WWOX: variants seen among roughly 807,000 people sequenced by gnomAD.
The protein encoded by WWOX is WW domain containing oxidoreductase.
WWOX carries 69 observed loss-of-function variants against 46.2 expected under a neutral mutation model. The observed-to-expected ratio is 1.49, with a 90% CI of 1.23 to 1.82. The LOEUF (loss-of-function observed/expected upper bound fraction) is 1.82, where lower values mean the gene tolerates loss of function less well. WWOX is among the 40% of genes most tolerant of loss of function. WWOX has a pLI of 0.00. For missense variants in WWOX, 919 were observed against 542.6 expected, an observed-to-expected ratio of 1.69 and a Z score of -6.89; for synonymous variants, 359 against 202.6, an observed-to-expected ratio of 1.77 and a Z score of -6.56.
intron 8 of WWOX, among the ~76,000 whole-genome samples, chr16:78,777,525 C>A (rs1194527123): frequency 6.6e-6 from 1 of 151,964 alleles, no homozygotes; most frequent in African/African-American, 2.4e-5. Context: ...CTAAGAGGCC[C>A]CTGGTCCTAC....
intron 8 of WWOX, among the ~76,000 whole-genome samples, chr16:79,029,664 C>T (rs958224796): frequency 1.3e-5 from 2 of 152,120 alleles, no homozygotes; most frequent in Admixed American, 1.3e-4. Context: ...TGAGAAATTG[C>T]TTGTCCTTTA....
chr16:78,648,971 T>A (rs746171637), intron 8 of WWOX, among the ~76,000 whole-genome samples: 7 of 152,130 alleles, frequency 4.6e-5, no homozygotes, highest in Non-Finnish European at 8.8e-5. Flanking sequence ...ATTAGTTTGC[T>A]TATTTATTTG....
In WWOX at chr16:78,935,169, G is replaced by C. The variant is rs1176280498; in HGVS notation, c.1057-276439G>C. Among the ~76,000 whole-genome samples, 4 of 152,176 alleles carry C rather than the reference G, an allele frequency of 2.6e-5. 1 individual carries two copies. Among genetic ancestry groups the C allele is most frequent in the Admixed American group, 6.5e-5 (1 of 15,278 alleles). ...ACACTGTTGGTGGGACTGTAAACCA[G>C]TTCAACCATTGTGGAAGACATTGTG... On this transcript the variant is annotated intron_variant, in intron 8 of 8. Coordinates refer to ENST00000566780, the MANE Select transcript of WWOX (RefSeq NM_016373.4).
intron 8 of WWOX, among the ~76,000 whole-genome samples, chr16:78,435,100 C>CGT (rs2083304471): frequency 6.6e-6 from 1 of 152,100 alleles, no homozygotes; most frequent in Non-Finnish European, 1.5e-5. Flanking sequence ...ATCATGATAT[C>CGT]GGAGTGTTAG....
At chr16:78,573,900 C>G (rs2044781665) in intron 8 of WWOX, among the ~76,000 whole-genome samples, 1 of 152,210 alleles carries the variant, frequency 6.6e-6, no homozygotes, top group African/African-American at 2.4e-5. Context: ...TTCTGTGGAT[C>G]AGGAATCTGA....
At chr16:79,066,718 G>A (rs1370186994) in intron 8 of WWOX, among the ~76,000 whole-genome samples, 3 of 152,168 alleles carry the variant, frequency 2.0e-5, no homozygotes, top group South Asian at 2.1e-4. Context: ...AGAGCCTGCC[G>A]CCTCAAGGGA....
intron 8 of WWOX, among the ~76,000 whole-genome samples, chr16:78,927,161 A>G (rs2045517282): frequency 1.3e-5 from 2 of 152,328 alleles, no homozygotes; most frequent in South Asian, 2.1e-4. Context: ...TTTCTCCTGT[A>G]TAAAATGGAC....
chr16:79,095,233 C>G (rs530765136), intron 8 of WWOX, among the ~76,000 whole-genome samples: 1 of 152,208 alleles, frequency 6.6e-6, no homozygotes, highest in Non-Finnish European at 1.5e-5. Flanking sequence ...CTTTCTCCCT[C>G]TGGCTGTTTT....
At chr16:78,211,647 A>T (rs8050912) in intron 5 of WWOX, among the ~76,000 whole-genome samples, 53,285 of 152,010 alleles carry the variant, frequency 0.35, 9,252 homozygotes, top group East Asian at 0.41. Flanking sequence ...GCTTAGAATC[A>T]GTGTGCTAAC....
At chr16:78,408,403 A>C (rs2082599385) in intron 6 of WWOX, among the ~76,000 whole-genome samples, 1 of 152,166 alleles carries the variant, frequency 6.6e-6, no homozygotes, top group Non-Finnish European at 1.5e-5. Flanking sequence ...TACTGCCTTC[A>C]GGTAGGGGAA....
intron 8 of WWOX, among the ~76,000 whole-genome samples, chr16:78,888,738 A>T: frequency 6.6e-6 from 1 of 152,180 alleles, no homozygotes; most frequent in East Asian, 1.9e-4. Context: ...AACGAAATAC[A>T]TTCCCCTAAA....
At chr16:78,486,335 T>C (rs965483299) in intron 8 of WWOX, among the ~76,000 whole-genome samples, 1 of 152,228 alleles carries the variant, frequency 6.6e-6, no homozygotes, top group Non-Finnish European at 1.5e-5. Context: ...CTCATGAGCA[T>C]AGATAATAGT....
chr16:78,908,268 G>C (rs745532314), intron 8 of WWOX, among the ~76,000 whole-genome samples: 4 of 152,088 alleles, frequency 2.6e-5, no homozygotes, highest in African/African-American at 7.2e-5. Flanking sequence ...GTCCAGGCAC[G>C]GTGGCTCATG....
chr16:78,187,644 T>C (rs928370659), intron 5 of WWOX, among the ~76,000 whole-genome samples: 2 of 152,132 alleles, frequency 1.3e-5, no homozygotes, highest in Non-Finnish European at 2.9e-5. Flanking sequence ...GCAAAGGAGC[T>C]CAGTCTTTGA....
At chr16:78,652,149 C>G (rs917311314) in intron 8 of WWOX, among the ~76,000 whole-genome samples, 1 of 151,196 alleles carries the variant, frequency 6.6e-6, no homozygotes, top group South Asian at 2.1e-4. Flanking sequence ...TGGTGGCTCA[C>G]ACCTGTAATC....
chr16:79,042,702 T>C (rs1356302641), intron 8 of WWOX, among the ~76,000 whole-genome samples: 1 of 150,378 alleles, frequency 6.6e-6, no homozygotes, highest in Non-Finnish European at 1.5e-5. Flanking sequence ...AGGAAGACTT[T>C]GTGGGAAGAC....
At chr16:78,563,703 A>G (rs2044495547) in intron 8 of WWOX, among the ~76,000 whole-genome samples, 1 of 152,134 alleles carries the variant, frequency 6.6e-6, no homozygotes, top group Admixed American at 6.5e-5. Flanking sequence ...CTTGTTATTA[A>G]GAACTGTCTG....
chr16:78,496,786 T>G (rs1024596943), intron 8 of WWOX, among the ~76,000 whole-genome samples: 3 of 152,188 alleles, frequency 2.0e-5, no homozygotes, highest in Admixed American at 2.0e-4. Flanking sequence ...AAATGGGAAG[T>G]GCATTGAGGA....
At chr16:78,102,977 C>T (rs928681409) in intron 1 of WWOX, among the ~76,000 whole-genome samples, 1 of 152,148 alleles carries the variant, frequency 6.6e-6, no homozygotes. Flanking sequence ...CTCTGTGGGG[C>T]GTCTCCTCCT....
Sources: allele counts gnomAD v4.1 joint callset (sites outside exome capture counted in the v4.1 genomes callset), GRCh38; gene constraint gnomAD v4.1.1; transcripts MANE v1.5; gene names NCBI Gene and HGNC (gene_info 2026-07-23, HGNC 2026-07-21).